NSMAF: variants seen among roughly 807,000 people sequenced by gnomAD.
The protein encoded by NSMAF is neutral sphingomyelinase activation associated factor, also known as protein FAN.
A neutral mutation model predicts 134.9 loss-of-function variants in NSMAF; 90 were observed. The observed-to-expected ratio is 0.67, with a 90% CI of 0.56 to 0.79. The LOEUF (loss-of-function observed/expected upper bound fraction) is 0.79, where lower values mean the gene tolerates loss of function less well. Ranked by LOEUF, NSMAF falls within the 30% of genes least tolerant of loss-of-function variation. The pLI, the probability that NSMAF is intolerant of heterozygous loss-of-function variation, is 0.00. For missense variants in NSMAF, 1,010 were observed against 1,119.0 expected (o/e 0.90, Z 1.39); for synonymous variants, 358 against 389.6 (o/e 0.92, Z 0.96).
intron 15 of NSMAF, 40 bp downstream of exon 15, chr8:58,601,405 G>C (rs1356478242): frequency 6.2e-7 from 1 of 1,610,834 alleles, no homozygotes; most frequent in Non-Finnish European, 8.5e-7. Context: ...AGAATACAGT[G>C]AAATAAAATT....
rs558759039 is a variant in NSMAF, at chr8:58,620,653, AAGAC to A, written c.557+2563_557+2566del. On this transcript the variant is annotated intron_variant, in intron 9 of 30. Coordinates refer to ENST00000038176, the MANE Select transcript of NSMAF (RefSeq NM_003580.4). ...TAGTAACCTTTGATATTGTCAATGA[AAGAC>A]AGGCATTTAAATTAACTGTTATTGA... is the stretch of plus-strand genomic sequence containing the variant. Among the ~76,000 whole-genome samples the A allele has an allele frequency of 8.3e-4, 127 of 152,328 alleles. 3 individuals carry two copies. The highest frequency in any genetic ancestry group is 1.9e-4 in the Non-Finnish European group (13 of 68,034).
intron 1 of NSMAF, among the ~76,000 whole-genome samples, chr8:58,643,541 T>A (rs1188091213): frequency 2.0e-5 from 3 of 152,030 alleles, no homozygotes; most frequent in Non-Finnish European, 4.4e-5. Context: ...GATCTTTTTT[T>A]TTTTTTTTGG....
At chr8:58,589,094 A>C (rs958325061) in intron 26 of NSMAF, among the ~76,000 whole-genome samples, 5 of 150,488 alleles carry the variant, frequency 3.3e-5, no homozygotes, top group African/African-American at 1.2e-4. Flanking sequence ...ACATATCACA[A>C]AGTATGTGAT....
At chr8:58,632,658 T>A (rs984129723) in intron 5 of NSMAF, among the ~76,000 whole-genome samples, 9 of 152,178 alleles carry the variant, frequency 5.9e-5, no homozygotes, top group Non-Finnish European at 1.2e-4. Flanking sequence ...CCCCAGGAAA[T>A]CTTATCCAGC....
At position 58,631,513 on chromosome 8, in the gene NSMAF, G is replaced by T. The variant is rs765888070; in HGVS notation, c.367C>A (p.Pro123Thr). ...TTACTTACCCTTTCTATTTTATATG[G>T]TGCAACAACATTATGTTCTTTAATG... Reference protein sequence around the residue: ...YFIKEHNVVAPYKIERGKMEY... With the variant: ...YFIKEHNVVATYKIERGKMEY... Residue 123 changes from proline (P) to threonine (T), a missense_variant, in exon 6 of 31, where the codon CCA (proline) becomes ACA (threonine). Pro to Thr is a conservative substitution (Grantham distance 38). Transcript: ENST00000038176. The T allele has an allele frequency of 2.0e-6, 3 of 1,507,536 alleles. No individual in the cohort carries two copies. Among genetic ancestry groups the T allele is most frequent in the African/African-American group, 2.8e-5 (2 of 70,656 alleles). 93.4% of individuals were successfully genotyped at this position (1,507,536 alleles called of 1,614,324 possible).
intron 10 of NSMAF, among the ~76,000 whole-genome samples, chr8:58,608,263 G>A (rs1434846934): frequency 6.6e-6 from 1 of 152,164 alleles, no homozygotes; most frequent in East Asian, 1.9e-4. Context: ...AAAGAATCCT[G>A]TCTTTTATCT....
chr8:58,649,233 G>A (rs75266299), intron 1 of NSMAF, among the ~76,000 whole-genome samples: 4,095 of 152,322 alleles, frequency 0.027, 201 homozygotes, highest in African/African-American at 0.093. Flanking sequence ...TCAGACTTCA[G>A]TGAGGCCTAC....
intron 26 of NSMAF, chr8:58,588,341 T>C: frequency 1.3e-6 from 1 of 758,472 alleles, no homozygotes; most frequent in Non-Finnish European, 2.2e-6. Flanking sequence ...TTTCTTTTTT[T>C]TTTTTTTTAA....
intron 2 of NSMAF, 25 bp from the exon 3 acceptor site, chr8:58,635,571 G>A: frequency 7.1e-7 from 1 of 1,406,534 alleles, no homozygotes; most frequent in South Asian, 1.2e-5. Flanking sequence ...ACAACAGATT[G>A]TTTGATGAGC....
At chr8:58,612,483 T>C (rs1806551836) in intron 9 of NSMAF, among the ~76,000 whole-genome samples, 1 of 152,180 alleles carries the variant, frequency 6.6e-6, no homozygotes, top group Non-Finnish European at 1.5e-5. Flanking sequence ...ATGTCCTTTA[T>C]TATCATAATA....
At chr8:58,603,922 G>A (rs2680896) in intron 12 of NSMAF, among the ~76,000 whole-genome samples, 136,685 of 152,246 alleles carry the variant, frequency 0.9, 61,586 homozygotes, top group East Asian at 0.97. Flanking sequence ...GAAAACAGGC[G>A]TTTGGCAGGA....
At chr8:58,597,979 G>A in intron 19 of NSMAF, 77 bp from the exon 20 acceptor site, 1 of 1,058,284 alleles carries the variant, frequency 9.4e-7, no homozygotes, top group Non-Finnish European at 1.4e-6. Context: ...CCTAAACAAT[G>A]CAACAACTTA....
At chr8:58,623,603 T>C (rs1299793722) in intron 7 of NSMAF, 106 bp downstream of exon 7, 9 of 1,118,886 alleles carry the variant, frequency 8.0e-6, no homozygotes, top group East Asian at 2.4e-5. Context: ...ATCTGCTACA[T>C]ATTTAGAAAA....
At chr8:58,616,316 A>G (rs1483988270) in intron 9 of NSMAF, among the ~76,000 whole-genome samples, 1 of 152,180 alleles carries the variant, frequency 6.6e-6, no homozygotes, top group African/African-American at 2.4e-5. Flanking sequence ...ACCTTACAAG[A>G]GAATTACAGA....
Position 58,634,152 on chromosome 8 carries a change from G to T in NSMAF, c.333+1037C>A, listed in dbSNP as rs181706670. Among the ~76,000 whole-genome samples the T allele has an allele frequency of 3.8e-3, 579 of 152,266 alleles. 3 individuals carry two copies. The highest frequency in any genetic ancestry group is 6.0e-3 in the Non-Finnish European group (409 of 68,024). ...TGTTTGGTCCCCAGAGCAGTAGATG[G>T]TTGTCACTGTCTTCACATATACCAG... On this transcript the variant is annotated intron_variant, in intron 5 of 30. Coordinates refer to ENST00000038176, the MANE Select transcript of NSMAF (RefSeq NM_003580.4).
chr8:58,586,612 A>C lies in NSMAF; in HGVS notation c.2296-4T>G. 1 of 1,608,454 alleles carries C rather than the reference A, an allele frequency of 6.2e-7. No individual in the cohort carries two copies. The highest frequency in any genetic ancestry group is 8.5e-7 in the Non-Finnish European group (1 of 1,177,246). ...CATTTAAACTGATTGTATCTACCTAAGGAAGAAAACACATTGATACATATT... is the reference window on the plus strand; with the variant it reads ...CATTTAAACTGATTGTATCTACCTACGGAAGAAAACACATTGATACATATT... On this transcript the variant is annotated splice_region_variant and splice_polypyrimidine_tract_variant and intron_variant, in intron 27 of 30. Coordinates refer to ENST00000038176, the MANE Select transcript of NSMAF (RefSeq NM_003580.4).
intron 21 of NSMAF, among the ~76,000 whole-genome samples, chr8:58,596,638 A>C (rs1397579384): frequency 6.6e-6 from 1 of 152,168 alleles, no homozygotes; most frequent in Non-Finnish European, 1.5e-5. Context: ...TGAATTCAAG[A>C]TGTATGTGGG....
intron 1 of NSMAF, among the ~76,000 whole-genome samples, chr8:58,644,176 T>C (rs1343367567): frequency 1.3e-5 from 2 of 152,122 alleles, no homozygotes; most frequent in Non-Finnish European, 1.5e-5. Context: ...AGGAAGAAAT[T>C]TACATTAAAC....
intron 2 of NSMAF, 109 bp from the exon 3 acceptor site, chr8:58,635,655 G>C: frequency 1.5e-6 from 1 of 657,424 alleles, no homozygotes; most frequent in Non-Finnish European, 2.6e-6. Context: ...CATAATAAAA[G>C]ATCAATAATG....
Sources: allele counts gnomAD v4.1 joint callset (sites outside exome capture counted in the v4.1 genomes callset), GRCh38; gene constraint gnomAD v4.1.1; transcripts MANE v1.5; gene names NCBI Gene and HGNC (gene_info 2026-07-23, HGNC 2026-07-21).